Variants in XRCC4 observed in about 807,000 individuals in gnomAD.
XRCC4 encodes the protein X-ray repair cross complementing 4.
A neutral mutation model predicts 39.1 loss-of-function variants in XRCC4; 28 were observed. That is an observed-to-expected ratio of 0.72 (90% CI 0.53 to 0.98). The LOEUF (loss-of-function observed/expected upper bound fraction) is 0.98. Among genes scored for constraint, XRCC4 ranks in the 50% least tolerant of loss-of-function variants. The pLI, the probability that XRCC4 is intolerant of heterozygous loss-of-function variation, is 0.00. For missense variants in XRCC4, 350 were observed against 376.4 expected (o/e 0.93, Z 0.58); for synonymous variants, 123 against 126.4 (o/e 0.97, Z 0.18).
chr5:83,200,170 C>G (rs1430779004), intron 4 of XRCC4, among the ~76,000 whole-genome samples: 1 of 152,128 alleles, frequency 6.6e-6, no homozygotes, highest in East Asian at 1.9e-4. Flanking sequence ...GGGAATGATA[C>G]GACATACCTC....
chr5:83,320,371 T>TA (rs1056580117), intron 7 of XRCC4, among the ~76,000 whole-genome samples: 2 of 133,310 alleles, frequency 1.5e-5, no homozygotes, highest in African/African-American at 5.8e-5. Flanking sequence ...AAATAAAAAA[T>TA]AAAAAAATAA....
At chr5:83,184,804 A>G (rs771625192) in intron 3 of XRCC4, among the ~76,000 whole-genome samples, 5 of 152,108 alleles carry the variant, frequency 3.3e-5, no homozygotes, top group Non-Finnish European at 7.4e-5. Context: ...AAAGTAATCA[A>G]CCATTTTAAA....
At chr5:83,291,914 T>C (rs1208429156) in intron 7 of XRCC4, among the ~76,000 whole-genome samples, 3 of 150,924 alleles carry the variant, frequency 2.0e-5, no homozygotes, top group South Asian at 2.1e-4. Context: ...TATATGTTTA[T>C]ATTTATATAA....
intron 7 of XRCC4, among the ~76,000 whole-genome samples, chr5:83,300,546 T>TTGTGTG (rs70973389): frequency 0.09 from 11,372 of 126,778 alleles, 585 homozygotes; most frequent in African/African-American, 0.12. Flanking sequence ...TATCTTTTGT[T>TTGTGTG]TGTGTGTGTG....
chr5:83,114,781 G>A (rs749011351), intron 3 of XRCC4, among the ~76,000 whole-genome samples: 1 of 152,014 alleles, frequency 6.6e-6, no homozygotes, highest in Admixed American at 6.6e-5. Context: ...TCACATTTTC[G>A]GGTACCTTTA....
At chr5:83,247,425 C>T (rs183563989) in intron 6 of XRCC4, among the ~76,000 whole-genome samples, 3 of 152,206 alleles carry the variant, frequency 2.0e-5, no homozygotes, top group Admixed American at 2.0e-4. Flanking sequence ...CAAAATCATC[C>T]CCCCAACCTC....
At chr5:83,082,728 A>AT (rs201102978) in intron 1 of XRCC4, among the ~76,000 whole-genome samples, 2,160 of 138,626 alleles carry the variant, frequency 0.016, 45 homozygotes, top group East Asian at 0.083. Flanking sequence ...ACATTATGAG[A>AT]TTTTTTTTTT....
At chr5:83,105,114 C>G (rs991710581) in intron 2 of XRCC4, 56 bp downstream of exon 2, 1 of 1,507,336 alleles carries the variant, frequency 6.6e-7, no homozygotes, top group Non-Finnish European at 8.9e-7. Context: ...ATTCTTCAGT[C>G]CTCAGGGATA....
chr5:83,167,073 T>A (rs1160624318), intron 3 of XRCC4, among the ~76,000 whole-genome samples: 1 of 149,488 alleles, frequency 6.7e-6, no homozygotes, highest in Non-Finnish European at 1.5e-5. Context: ...GTAGAGATGG[T>A]ATTTCGCCAT....
chr5:83,130,691 G>T (rs1336990679), intron 3 of XRCC4, among the ~76,000 whole-genome samples: 1 of 152,150 alleles, frequency 6.6e-6, no homozygotes, highest in Non-Finnish European at 1.5e-5. Flanking sequence ...TCCTGGTTTA[G>T]TCTTGGGAGG....
intron 7 of XRCC4, among the ~76,000 whole-genome samples, chr5:83,337,755 T>C (rs1265694694): frequency 6.6e-6 from 1 of 151,904 alleles, no homozygotes; most frequent in Non-Finnish European, 1.5e-5. Context: ...AAGTTTGGAG[T>C]GGTTTATTAC....
At chr5:83,242,162 T>TTGTGTGTGTGTGTGTG (rs60919474) in intron 6 of XRCC4, among the ~76,000 whole-genome samples, 5 of 145,370 alleles carry the variant, frequency 3.4e-5, no homozygotes, top group East Asian at 2.1e-4. Context: ...CGTATACACA[T>TTGTGTGTGTGTGTGTG]TGTGTGTGTG....
At chr5:83,197,218 A>G (rs943924029) in intron 4 of XRCC4, among the ~76,000 whole-genome samples, 2 of 152,114 alleles carry the variant, frequency 1.3e-5, no homozygotes, top group African/African-American at 2.4e-5. Context: ...GTTTATTCAT[A>G]AAGATGATTT....
In XRCC4 at chr5:83,225,279, T is replaced by G. The variant is rs200723838; in HGVS notation, c.745+20358T>G. Among the ~76,000 whole-genome samples, 5 of 152,108 alleles carry G rather than the reference T, an allele frequency of 3.3e-5. No homozygotes were observed. In the East Asian group the frequency reaches 9.7e-4, roughly 30 times the overall value. Reference sequence around the variant, plus strand: ...GACTCTTAAGTTGTAGCTGTTATGGTTGGGGTGTTGAATGTGTGTTCTAGT... The same window carrying G: ...GACTCTTAAGTTGTAGCTGTTATGGGTGGGGTGTTGAATGTGTGTTCTAGT... On this transcript the variant is annotated intron_variant, in intron 6 of 7. Coordinates refer to ENST00000396027, the MANE Select transcript of XRCC4 (RefSeq NM_003401.5).
intron 7 of XRCC4, among the ~76,000 whole-genome samples, chr5:83,259,826 AT>A (rs535734587): frequency 8.5e-4 from 130 of 152,172 alleles, no homozygotes; most frequent in Middle Eastern, 6.8e-3. Context: ...ACCCTCAAAA[AT>A]TTTTTAAAGT....
chr5:83,228,065 T>C (rs968309392), intron 6 of XRCC4, among the ~76,000 whole-genome samples: 1 of 152,018 alleles, frequency 6.6e-6, no homozygotes, highest in African/African-American at 2.4e-5. Context: ...CCTGAAAAAC[T>C]TCTATTTTCT....
downstream of XRCC4, among the ~76,000 whole-genome samples, chr5:83,354,416 G>A (rs746315313): frequency 2.0e-5 from 3 of 152,040 alleles, no homozygotes; most frequent in Non-Finnish European, 4.4e-5. Context: ...CCATCTATAT[G>A]TTAATATCTC....
At chr5:83,149,162 A>G (rs1476606107) in intron 3 of XRCC4, among the ~76,000 whole-genome samples, 2 of 152,210 alleles carry the variant, frequency 1.3e-5, no homozygotes, top group Non-Finnish European at 1.5e-5. Context: ...GTAGCCACGC[A>G]TAGATTTGGA....
chr5:83,260,283 T>C (rs1375088131), intron 7 of XRCC4, among the ~76,000 whole-genome samples: 2 of 152,092 alleles, frequency 1.3e-5, no homozygotes. Flanking sequence ...AATAAAATTA[T>C]AAGCAGTTTA....
Sources: gnomAD v4.1 joint callset for allele counts (sites outside exome capture counted in the v4.1 genomes callset) on GRCh38, gnomAD v4.1.1 for gene constraint, MANE v1.5 for transcripts, NCBI Gene and HGNC (gene_info 2026-07-23, HGNC 2026-07-21) for gene names.